Variants in SETD5 observed in about 807,000 individuals in gnomAD.
SETD5 encodes the protein histone-lysine N-methyltransferase SETD5.
SETD5 carries 44 observed loss-of-function variants against 153.3 expected under a neutral mutation model. The ratio of observed to expected loss-of-function variants is 0.29; its 90% CI spans 0.23 to 0.37. The LOEUF is 0.37. Among genes scored for constraint, SETD5 ranks in the 10% least tolerant of loss-of-function variants. The probability of loss-of-function intolerance (pLI) is 1.00; values close to 1 mark genes in which losing one functional copy is unlikely to be tolerated. For synonymous variants in SETD5, 716 were observed against 645.2 expected, an observed-to-expected ratio of 1.11 and a Z score of -1.66; for missense variants, 1,544 against 1,768.0, an observed-to-expected ratio of 0.87 and a Z score of 2.27.
chr3:9,446,686 T>C (rs1022983178), intron 13 of SETD5, among the ~76,000 whole-genome samples: 1 of 151,768 alleles, frequency 6.6e-6, no homozygotes, highest in African/African-American at 2.4e-5. Context: ...AGAGACGGAG[T>C]TTCACCATGT....
intron 1 of SETD5, among the ~76,000 whole-genome samples, chr3:9,404,432 T>C (rs375064115): frequency 1.3e-5 from 2 of 152,374 alleles, no homozygotes. Context: ...ATTATTATTG[T>C]AATTAGTTGG....
At chr3:9,439,707 G>A (rs936038941) in intron 7 of SETD5, among the ~76,000 whole-genome samples, 2 of 152,114 alleles carry the variant, frequency 1.3e-5, no homozygotes, top group Admixed American at 1.3e-4. Context: ...CACCATAGAG[G>A]GCAATGGTTT....
intron 1 of SETD5, among the ~76,000 whole-genome samples, chr3:9,399,827 CAAAAAAAA>C (rs33940536): frequency 1.6e-5 from 2 of 128,678 alleles, no homozygotes; most frequent in Admixed American, 7.6e-5. Flanking sequence ...AGCACTGGTC[CAAAAAAAA>C]AAAAAAAAAG....
rs1035442894 is a variant in SETD5, at chr3:9,464,416, G to C, written c.2477-9G>C. The C allele has an allele frequency of 1.7e-5, 27 of 1,602,772 alleles. No homozygotes were observed. Among genetic ancestry groups the C allele is most frequent in the Non-Finnish European group, 2.3e-5 (27 of 1,170,972 alleles). On this transcript the variant is annotated splice_polypyrimidine_tract_variant and intron_variant, in intron 17 of 22. Coordinates refer to ENST00000402198, the MANE Select transcript of SETD5 (RefSeq NM_001080517.3). ...TTTCAAACTCTCATCCAAGCTTTGT[G>C]TTTCACAGACTTGTTGAGCCCATTA...
In SETD5 at chr3:9,445,499, T is replaced by C. The variant is rs1198775240; in HGVS notation, c.1441-158T>C. 1.6e-5 allele frequency: 14 copies of C among 863,158 alleles called. No individual in the cohort carries two copies. The Admixed American group carries it at 3.1e-4, about 19-fold the overall frequency. The allele number at this position is 863,158 out of a possible 1,614,324, so 53.5% of individuals were successfully genotyped here. A position where few individuals can be genotyped will look rare whatever the true frequency, so the allele number is the denominator to read the frequency against. ...CCTTTGCTGGTTTTGCACCAGAGAATAGGGGTTAGTTATCATCTGTGTTTA... is the reference window on the plus strand; with the variant it reads ...CCTTTGCTGGTTTTGCACCAGAGAACAGGGGTTAGTTATCATCTGTGTTTA... On this transcript the variant is annotated intron_variant, in intron 12 of 22. Transcript: ENST00000402198.
intron 17 of SETD5, among the ~76,000 whole-genome samples, chr3:9,458,498 C>T (rs966533231): frequency 6.6e-6 from 1 of 151,990 alleles, no homozygotes; most frequent in Non-Finnish European, 1.5e-5. Flanking sequence ...TTGCCTGTAG[C>T]CTTAAGGAGG....
At chr3:9,405,446 G>C (rs1275799747) in intron 1 of SETD5, among the ~76,000 whole-genome samples, 5 of 152,132 alleles carry the variant, frequency 3.3e-5, no homozygotes, top group Admixed American at 3.3e-4. Context: ...TCATGTCTTA[G>C]AGTTCTTTTT....
chr3:9,401,759 T>C (rs925540169), intron 1 of SETD5, among the ~76,000 whole-genome samples: 22 of 152,218 alleles, frequency 1.4e-4, no homozygotes, highest in Non-Finnish European at 2.5e-4. Context: ...GGCTGAACTC[T>C]GGTGATTCAT....
intron 17 of SETD5, among the ~76,000 whole-genome samples, chr3:9,460,368 TC>T (rs2043812695): frequency 1.3e-5 from 2 of 151,804 alleles, no homozygotes; most frequent in Admixed American, 1.3e-4. Flanking sequence ...TATGCCATGT[TC>T]CTGGGTAAGA....
At chr3:9,455,173 T>TTC (rs1317732680) in intron 17 of SETD5, among the ~76,000 whole-genome samples, 5 of 139,124 alleles carry the variant, frequency 3.6e-5, no homozygotes, top group African/African-American at 1.3e-4. Flanking sequence ...TTTTTCTTTT[T>TTC]TTTTTTTTTT....
intron 18 of SETD5, among the ~76,000 whole-genome samples, chr3:9,466,815 A>T (rs1413570785): frequency 2.6e-5 from 4 of 152,126 alleles, no homozygotes; most frequent in Non-Finnish European, 5.9e-5. Flanking sequence ...GCTTGAGGCC[A>T]GGGGTTTGAG....
chr3:9,441,321 A>G (rs949007499), intron 8 of SETD5, among the ~76,000 whole-genome samples: 1 of 151,868 alleles, frequency 6.6e-6, no homozygotes, highest in African/African-American at 2.4e-5. Flanking sequence ...TCTTTATTTT[A>G]GAGATAGAGT....
intron 10 of SETD5, 143 bp from the exon 11 acceptor site, chr3:9,443,165 G>C (rs1188292642): frequency 3.0e-5 from 19 of 625,438 alleles, no homozygotes; most frequent in Non-Finnish European, 5.4e-5. Flanking sequence ...TGAAATGAAG[G>C]GGTTAAATAA....
Position 9,435,712 on chromosome 3 carries a change from A to C in SETD5, c.389-16A>C. On this transcript the variant is annotated splice_polypyrimidine_tract_variant and intron_variant, in intron 6 of 22. Coordinates refer to ENST00000402198, the MANE Select transcript of SETD5 (RefSeq NM_001080517.3). The stretch of plus-strand genomic sequence containing the variant: ...GAGGCTATTAGTACCTGAACTATGA[A>C]ATCATCATTTTTCAGGTGGGGATAG... The C allele has an allele frequency of 2.6e-6, 4 of 1,557,334 alleles. No individual in the cohort carries two copies. The highest frequency in any genetic ancestry group is 3.5e-6 in the Non-Finnish European group (4 of 1,154,096).
intron 17 of SETD5, among the ~76,000 whole-genome samples, chr3:9,459,852 A>G (rs747134614): frequency 3.9e-5 from 6 of 152,310 alleles, no homozygotes; most frequent in Admixed American, 2.6e-4. Flanking sequence ...AGGAGAAGTC[A>G]TAACACAGTG....
At chr3:9,444,946 T>A in intron 11 of SETD5, 102 bp from the exon 12 acceptor site, 1 of 1,421,774 alleles carries the variant, frequency 7.0e-7, no homozygotes. Context: ...AGAGACAATA[T>A]CAGAGGAAGT....
intron 1 of SETD5, among the ~76,000 whole-genome samples, chr3:9,399,063 C>G (rs1169079201): frequency 6.6e-6 from 1 of 152,232 alleles, no homozygotes; most frequent in Non-Finnish European, 1.5e-5. Context: ...TCTCCAGTTT[C>G]CTTCCTGCAC....
chr3:9,433,716 C>A, intron 3 of SETD5, 129 bp from the exon 4 acceptor site: 3 of 996,250 alleles, frequency 3.0e-6, no homozygotes, highest in Non-Finnish European at 4.5e-6. Flanking sequence ...ATTGTTTCAC[C>A]GAGTTCTTTC....
rs751603370 is a variant in SETD5, at chr3:9,442,131, A to C, written c.963A>C (p.Pro321=). 2.5e-6 allele frequency: 4 copies of C among 1,604,264 alleles called. No individual in the cohort carries two copies. In the Admixed American group the frequency reaches 5.0e-5, roughly 20 times the overall value. ...GGAATTTTAATTGTATCCCTAGACC[A>C]TACCCCTTTGTGCTCTTCTACTCAA... is the stretch of plus-strand genomic sequence containing the variant. ...FEVNGHFFKK[P]YPFVLFYSKF... is the part of the protein sequence containing the mutation. Residue 321 remains proline, a synonymous_variant, in exon 10 of 23, where the codon CCA becomes CCC. Coordinates refer to ENST00000402198, the MANE Select transcript of SETD5 (RefSeq NM_001080517.3).
Sources: gnomAD v4.1 joint callset for allele counts (sites outside exome capture counted in the v4.1 genomes callset) on GRCh38, gnomAD v4.1.1 for gene constraint, MANE v1.5 for transcripts, NCBI Gene and HGNC (gene_info 2026-07-23, HGNC 2026-07-21) for gene names.